The following TMEM35B variants were observed in gnomAD, a reference collection of about 807,000 sequenced individuals.
TMEM35B encodes transmembrane protein 35B, also known as ZMYM6 neighbor protein.
Under a neutral mutation model 8.7 loss-of-function variants are expected in TMEM35B, and 6 were observed. That is an observed-to-expected ratio of 0.69 (90% CI 0.38 to 1.36). The LOEUF (loss-of-function observed/expected upper bound fraction) is 1.36. TMEM35B is among the 40% of genes most tolerant of loss of function. TMEM35B has a pLI of 0.02. For synonymous variants in TMEM35B, 89 were observed against 87.0 expected, an observed-to-expected ratio of 1.02 and a Z score of -0.13; for missense variants, 176 against 181.6, an observed-to-expected ratio of 0.97 and a Z score of 0.18.
chr1:34,985,225 C>A, exon 1 of TMEM35B: 1 of 1,542,314 alleles, frequency 6.5e-7, no homozygotes, highest in South Asian at 1.2e-5. Flanking sequence ...GAGCCGAGAT[C>A]TCCTCCGAGA....
exon 1 of TMEM35B, chr1:34,985,255 C>A (rs1032125251): frequency 1.9e-6 from 3 of 1,545,626 alleles, no homozygotes; most frequent in African/African-American, 1.4e-5. Context: ...ACCCCACGAG[C>A]GCGAAGAAGC....
intron 1 of TMEM35B, among the ~76,000 whole-genome samples, 154 bp from the exon 2 acceptor site, chr1:34,984,101 G>C (rs566256524): frequency 6.6e-6 from 1 of 152,362 alleles, no homozygotes; most frequent in South Asian, 2.1e-4. Flanking sequence ...GCCTGAAGAG[G>C]AGAGGGCTGC....
intron 1 of TMEM35B, 86 bp from the exon 2 acceptor site, chr1:34,984,033 C>T: frequency 8.0e-7 from 1 of 1,242,512 alleles, no homozygotes; most frequent in Non-Finnish European, 1.1e-6. Flanking sequence ...TATGCCTGTG[C>T]CCTCAACTTC....
In TMEM35B at chr1:34,983,962, G is replaced by C. The variant is rs914084333; in HGVS notation, c.109-15C>G. The stretch of plus-strand genomic sequence containing the variant: ...AACAGGGCATTCTAGGGGTGGCAAG[G>C]AATGCCTGTTAGCCTCATTGTTCAA... On this transcript the variant is annotated splice_polypyrimidine_tract_variant and intron_variant, in intron 1 of 2. Transcript: ENST00000373337. The C allele has an allele frequency of 1.4e-6, 2 of 1,466,612 alleles. No individual in the cohort carries two copies. Among genetic ancestry groups the C allele is most frequent in the Admixed American group, 2.3e-5 (1 of 43,100 alleles). 90.8% of individuals were successfully genotyped at this position (1,466,612 alleles called of 1,614,324 possible).
chr1:34,981,954 G>T, exon 3 of TMEM35B: 1 of 1,539,100 alleles, frequency 6.5e-7, no homozygotes, highest in Non-Finnish European at 8.8e-7. Context: ...CTACTTCCAG[G>T]ATTCCTTGAA....
chr1:34,983,770 T>C (rs1455404695), exon 2 of TMEM35B: 2 of 1,521,798 alleles, frequency 1.3e-6, no homozygotes, highest in Non-Finnish European at 1.8e-6. Flanking sequence ...CCCTTACCCA[T>C]CATGAGCAGA....
rs57645049 is a variant in TMEM35B, at chr1:34,982,425, G to GAA, written c.290-308_290-307dup. Reference sequence around the variant, plus strand: ...CAGTGGCTAGAGTGGATAGATTTTAGAAAAAAAAATCTCCCTGATCCTTCT... The same window carrying GAA: ...CAGTGGCTAGAGTGGATAGATTTTAGAAAAAAAAAAATCTCCCTGATCCTTCT... On this transcript the variant is annotated intron_variant, in intron 2 of 2. Transcript: ENST00000373337. Among the ~76,000 whole-genome samples, 404 of 142,220 alleles carry GAA rather than the reference G, an allele frequency of 2.8e-3. 1 individual carries two copies. Among genetic ancestry groups the GAA allele is most frequent in the African/African-American group, 0.01 (388 of 38,694 alleles). The allele number at this position is 142,220 out of a possible 152,430, so 93.3% of individuals were successfully genotyped here. A position where few individuals can be genotyped will look rare whatever the true frequency, so the allele number is the denominator to read the frequency against.
chr1:34,983,273 TAA>T (rs1352746510), intron 2 of TMEM35B, among the ~76,000 whole-genome samples: 1 of 152,052 alleles, frequency 6.6e-6, no homozygotes, highest in Non-Finnish European at 1.5e-5. Context: ...TCTAGCACAT[TAA>T]GTTTAAAAAG....
exon 2 of TMEM35B, chr1:34,983,826 A>C: frequency 6.5e-7 from 1 of 1,546,828 alleles, no homozygotes. Flanking sequence ...TGGGCCCATG[A>C]CCAGCAGCAA....
intron 1 of TMEM35B, among the ~76,000 whole-genome samples, chr1:34,984,208 C>A (rs1640538186): frequency 6.6e-6 from 1 of 152,198 alleles, no homozygotes; most frequent in South Asian, 2.1e-4. Flanking sequence ...GATTACAACC[C>A]AGCCCCAAAT....
chr1:34,982,464 T>TC (rs1640518313), intron 2 of TMEM35B, among the ~76,000 whole-genome samples: 1 of 150,444 alleles, frequency 6.6e-6, no homozygotes, highest in Non-Finnish European at 1.5e-5. Flanking sequence ...TTCCTTTTTT[T>TC]TTTTTTTTTT....
intron 2 of TMEM35B, among the ~76,000 whole-genome samples, chr1:34,982,765 G>A (rs191630300): frequency 2.3e-4 from 35 of 152,168 alleles, no homozygotes; most frequent in South Asian, 6.2e-4. Context: ...ATGAGCCACC[G>A]TGTCTGGCCC....
At chr1:34,983,027 A>G (rs1478539891) in intron 2 of TMEM35B, among the ~76,000 whole-genome samples, 3 of 151,812 alleles carry the variant, frequency 2.0e-5, no homozygotes, top group Non-Finnish European at 1.5e-5. Flanking sequence ...CTTGAGGGGG[A>G]CTCCCTAGGG....
Position 34,983,747 on chromosome 1 carries a change from A to C in TMEM35B, c.289+20T>G. 6.8e-7 allele frequency: 1 copy of C among 1,468,098 alleles called. No individual in the cohort carries two copies. The allele number at this position is 1,468,098 out of a possible 1,614,324, so 90.9% of individuals were successfully genotyped here. A position where few individuals can be genotyped will look rare whatever the true frequency, so the allele number is the denominator to read the frequency against. ...CTCCCCCAGAAGACCCCATTTTCTC[A>C]GGCCAGTTGGCCCCCTTACCCATCA... On this transcript the variant is annotated intron_variant, in intron 2 of 2. Coordinates refer to ENST00000373337, the Ensembl canonical transcript of TMEM35B.
In TMEM35B at chr1:34,983,952, G is replaced by C. The variant is rs760151728; in HGVS notation, c.109-5C>G. ...AAACTGCACGAACAGGGCATTCTAG[G>C]GGTGGCAAGGAATGCCTGTTAGCCT... On this transcript the variant is annotated splice_region_variant and splice_polypyrimidine_tract_variant and intron_variant, in intron 1 of 2. Transcript: ENST00000373337. The C allele has an allele frequency of 6.2e-5, 91 of 1,476,680 alleles. No individual in the cohort carries two copies. Among genetic ancestry groups the C allele is most frequent in the Non-Finnish European group, 7.8e-5 (86 of 1,106,468 alleles). The allele number at this position is 1,476,680 out of a possible 1,614,324, so 91.5% of individuals were successfully genotyped here.
chr1:34,984,009 C>G (rs1190420149), intron 1 of TMEM35B, 62 bp from the exon 2 acceptor site: 9 of 1,385,026 alleles, frequency 6.5e-6, no homozygotes, highest in Non-Finnish European at 8.5e-6. Flanking sequence ...TCCCCAGATG[C>G]TCCATGGCAT....
In TMEM35B at chr1:34,985,288, C is replaced by T. The variant is rs1640561532; in HGVS notation, c.18G>A (p.Ser6=). Residue 6 remains serine (S), a synonymous_variant, in exon 1 of 3, where the codon TCG becomes TCA. Coordinates refer to ENST00000373337, the Ensembl canonical transcript of TMEM35B. The stretch of plus-strand genomic sequence containing the variant: ...AGCCGCCCAGCAGTACACGCAGCAC[C>T]GAAAGCAGGAGCGCCATGGCCGCGC... 2.6e-6 allele frequency: 4 copies of T among 1,538,362 alleles called. No individual in the cohort carries two copies. The South Asian group carries it at 3.6e-5, about 14-fold the overall frequency.
intron 2 of TMEM35B, 104 bp downstream of exon 2, chr1:34,983,663 C>T (rs1175515668): frequency 1.0e-6 from 1 of 975,988 alleles, no homozygotes; most frequent in South Asian, 3.0e-5. Context: ...TGCTCTTGAT[C>T]CCAGAGAAAA....
At chr1:34,982,927 G>C (rs1210657471) in intron 2 of TMEM35B, among the ~76,000 whole-genome samples, 1 of 152,226 alleles carries the variant, frequency 6.6e-6, no homozygotes, top group African/African-American at 2.4e-5. Flanking sequence ...AATGGTAACA[G>C]ATGCCAGGGC....
Sources: allele counts gnomAD v4.1 joint callset (sites outside exome capture counted in the v4.1 genomes callset), GRCh38; gene constraint gnomAD v4.1.1; transcripts MANE v1.5; gene names NCBI Gene and HGNC (gene_info 2026-07-23, HGNC 2026-07-21).